PYGB: variants seen among roughly 807,000 people sequenced by gnomAD.
PYGB encodes glycogen phosphorylase, brain form.
A neutral mutation model predicts 94.3 loss-of-function variants in PYGB; 82 were observed. The observed-to-expected ratio is 0.87, with a 90% CI of 0.73 to 1.04. The LOEUF (loss-of-function observed/expected upper bound fraction) is 1.04. PYGB is among the 50% of genes least tolerant of loss of function. The pLI is 0.00. For missense variants in PYGB, 1,132 were observed against 1,158.2 expected (o/e 0.98, Z 0.33); for synonymous variants, 488 against 479.1 (o/e 1.02, Z -0.24).
chr20:25,271,543 G>C lies in PYGB; in HGVS notation c.528+57G>C, dbSNP rs991871264. ...CAGCTCTCGTTCACACAATAAAATG[G>C]CAGCACTTGCAGTTTGTCTTTTTAT... is the stretch of plus-strand genomic sequence containing the variant. On this transcript the variant is annotated intron_variant, in intron 4 of 19. Coordinates refer to ENST00000216962, the MANE Select transcript of PYGB (RefSeq NM_002862.4). The C allele has an allele frequency of 9.7e-5, 149 of 1,543,780 alleles. No homozygotes were observed. The Admixed American group carries it at 2.5e-3, about 26-fold the overall frequency.
intron 2 of PYGB, among the ~76,000 whole-genome samples, chr20:25,265,581 C>A (rs1159960964): frequency 2.1e-5 from 3 of 145,882 alleles, no homozygotes; most frequent in Non-Finnish European, 4.5e-5. Context: ...TGTTTGTTTT[C>A]TTGTTGTTGA....
At chr20:25,277,889 C>T (rs934409941) in intron 7 of PYGB, among the ~76,000 whole-genome samples, 1 of 152,212 alleles carries the variant, frequency 6.6e-6, no homozygotes, top group African/African-American at 2.4e-5. Context: ...TAGAAGATGC[C>T]CTAGTGGGCA....
intron 2 of PYGB, among the ~76,000 whole-genome samples, chr20:25,267,407 C>T (rs1271725200): frequency 3.3e-5 from 5 of 152,122 alleles, no homozygotes; most frequent in African/African-American, 7.2e-5. Flanking sequence ...GCGAATTTTA[C>T]GGTTAATGAA....
chr20:25,253,900 C>T (rs954778888), intron 1 of PYGB, among the ~76,000 whole-genome samples: 1 of 134,088 alleles, frequency 7.5e-6, no homozygotes, highest in South Asian at 2.1e-4. Context: ...GGTGAAACCC[C>T]TTCTTTACTA....
chr20:25,265,154 C>G (rs2088205910), intron 2 of PYGB, among the ~76,000 whole-genome samples: 1 of 152,146 alleles, frequency 6.6e-6, no homozygotes, highest in Non-Finnish European at 1.5e-5. Context: ...TTTGACAAAC[C>G]TGACAAAAGC....
Position 25,274,577 on chromosome 20 carries a change from C to A in PYGB, c.529-15C>A. 2 of 1,611,336 alleles carry A rather than the reference C, an allele frequency of 1.2e-6. No homozygotes were observed. Among genetic ancestry groups the A allele is most frequent in the Non-Finnish European group, 1.7e-6 (2 of 1,178,766 alleles). ...ATCTGCGCTGAGGGTGCCCTCACAG[C>A]TGGCTTCTTTCCAGGTAGAGGAGGC... On this transcript the variant is annotated splice_polypyrimidine_tract_variant and intron_variant, in intron 4 of 19. Transcript: ENST00000216962.
chr20:25,282,119 A>G lies in PYGB; in HGVS notation c.1490A>G (p.Asn497Ser). The G allele has an allele frequency of 6.2e-7, 1 of 1,613,010 alleles. No individual in the cohort carries two copies. The highest frequency in any genetic ancestry group is 8.5e-7 in the Non-Finnish European group (1 of 1,179,730). Residue 497 changes from asparagine to serine, a missense_variant, in exon 12 of 20, where the codon AAC becomes AGC. Transcript: ENST00000216962. The part of the protein sequence containing the change: ...ITPRRWLLLC[N>S]PGLADTIVEK... Reference sequence around the variant, plus strand: ...CCCCGCCGGTGGCTGCTGCTGTGCAACCCGGGGCTGGCCGATACCATCGTG... The same window carrying G: ...CCCCGCCGGTGGCTGCTGCTGTGCAGCCCGGGGCTGGCCGATACCATCGTG...
At chr20:25,284,890 A>G (rs1376833575) in intron 14 of PYGB, 6 of 152,256 alleles carry the variant, frequency 3.9e-5, no homozygotes, top group African/African-American at 1.2e-4. Flanking sequence ...TTATGAGACA[A>G]ACATGAAACA....
In PYGB at chr20:25,292,539, C is replaced by G. The variant is rs557026982; in HGVS notation, c.2103C>G (p.Ala701=). ...TGGACGGCGCCAACGTGGAGATGGC[C>G]GAGGAGGCCGGGGCCGAGAACCTCT... ...GTMDGANVEM[A]EEAGAENLFI... Residue 701 remains alanine, a synonymous_variant, in exon 17 of 20, where the codon GCC becomes GCG. Transcript: ENST00000216962. 2 of 1,613,416 alleles carry G rather than the reference C, an allele frequency of 1.2e-6. No individual in the cohort carries two copies. Among genetic ancestry groups the G allele is most frequent in the South Asian group, 1.1e-5 (1 of 91,086 alleles).
At chr20:25,264,825 C>A (rs894992891) in intron 2 of PYGB, among the ~76,000 whole-genome samples, 2 of 152,186 alleles carry the variant, frequency 1.3e-5, no homozygotes, top group Non-Finnish European at 2.9e-5. Flanking sequence ...TAGGAAGAAT[C>A]AATATCTTGA....
chr20:25,280,163 C>T, intron 9 of PYGB, 103 bp from the exon 10 acceptor site: 1 of 1,416,428 alleles, frequency 7.1e-7, no homozygotes, highest in Non-Finnish European at 9.7e-7. Context: ...CCTGGGGTAC[C>T]CAGCATCTGC....
intron 14 of PYGB, among the ~76,000 whole-genome samples, chr20:25,287,709 G>A (rs1402542201): frequency 6.6e-6 from 1 of 152,164 alleles, no homozygotes; most frequent in Non-Finnish European, 1.5e-5. Flanking sequence ...GCGAGGCGCG[G>A]TAGCTCACGC....
chr20:25,277,467 C>G (rs2088323704), intron 7 of PYGB, 141 bp downstream of exon 7: 1 of 721,118 alleles, frequency 1.4e-6, no homozygotes, highest in African/African-American at 1.8e-5. Context: ...GCCTTAGGTG[C>G]ACACACGATG....
intron 19 of PYGB, 67 bp downstream of exon 19, chr20:25,295,737 A>G: frequency 6.7e-7 from 1 of 1,490,082 alleles, no homozygotes; most frequent in Non-Finnish European, 9.4e-7. Context: ...GTTGGGTCAG[A>G]TTGTTTATTT....
At position 25,279,048 on chromosome 20, in the gene PYGB, G is replaced by A. The variant is rs752310420; in HGVS notation, c.1000-9G>A. On this transcript the variant is annotated splice_polypyrimidine_tract_variant and intron_variant, in intron 8 of 19. Coordinates refer to ENST00000216962, the MANE Select transcript of PYGB (RefSeq NM_002862.4). ...AATGACTGAATGGCACCCCTTGTGC[G>A]ACCTTCAGGTGGCCATCCAGCTGAA... 1.1e-5 allele frequency: 17 copies of A among 1,606,448 alleles called. No individual in the cohort carries two copies. The South Asian group carries it at 1.2e-4, about 11-fold the overall frequency.
At chr20:25,295,488 G>T in intron 18 of PYGB, 116 bp from the exon 19 acceptor site, 1 of 1,237,980 alleles carries the variant, frequency 8.1e-7, no homozygotes, top group Non-Finnish European at 1.2e-6. Flanking sequence ...GGGCCCCTTC[G>T]CTCCAGACAG....
intron 1 of PYGB, among the ~76,000 whole-genome samples, chr20:25,250,696 C>G (rs535111164): frequency 9.1e-4 from 138 of 152,190 alleles, no homozygotes; most frequent in Non-Finnish European, 1.6e-3. Flanking sequence ...GTGCCTCCCC[C>G]TCAGCCAGAA....
Position 25,264,428 on chromosome 20 carries a change from A to T in PYGB, c.346-4701A>T, listed in dbSNP as rs1431017621. ...TAGTGTTGGAAGTTCGGGCCAGGGC[A>T]TTCAGGCAGGAGAAAGAAATAAAGG... On this transcript the variant is annotated intron_variant, in intron 2 of 19. Coordinates refer to ENST00000216962, the MANE Select transcript of PYGB (RefSeq NM_002862.4). 3.9e-5 allele frequency among the ~76,000 whole-genome samples: 6 copies of T among 152,226 alleles called. No homozygotes were observed. In the East Asian group the frequency reaches 1.2e-3, roughly 29 times the overall value.
chr20:25,260,123 T>G (rs768469228), intron 2 of PYGB, among the ~76,000 whole-genome samples: 3 of 152,180 alleles, frequency 2.0e-5, no homozygotes, highest in Non-Finnish European at 2.9e-5. Flanking sequence ...CAGGACCTCA[T>G]AGCAGTGTCT....
Sources: gnomAD v4.1 joint callset for allele counts (sites outside exome capture counted in the v4.1 genomes callset) on GRCh38, gnomAD v4.1.1 for gene constraint, MANE v1.5 for transcripts, NCBI Gene and HGNC (gene_info 2026-07-23, HGNC 2026-07-21) for gene names.